BANP: variants seen among roughly 807,000 people sequenced by gnomAD.
BANP encodes protein BANP.
BANP carries 11 observed loss-of-function variants against 68.1 expected under a neutral mutation model. The ratio of observed to expected loss-of-function variants is 0.16; its 90% CI spans 0.10 to 0.27. The LOEUF is 0.27. Ranked by LOEUF, BANP falls within the 10% of genes least tolerant of loss-of-function variation. The pLI, the probability that BANP is intolerant of heterozygous loss-of-function variation, is 1.00. For synonymous variants in BANP, 329 were observed against 303.2 expected, an observed-to-expected ratio of 1.09 and a Z score of -0.88; for missense variants, 504 against 722.7, an observed-to-expected ratio of 0.70 and a Z score of 3.47.
intron 6 of BANP, among the ~76,000 whole-genome samples, chr16:88,007,085 C>T (rs955246634): frequency 2.6e-5 from 4 of 152,092 alleles, no homozygotes; most frequent in African/African-American, 7.2e-5. Flanking sequence ...TTTTATAACT[C>T]ACTTCTTTCC....
At chr16:88,039,508 G>A (rs1274708565) in intron 11 of BANP, among the ~76,000 whole-genome samples, 1 of 144,430 alleles carries the variant, frequency 6.9e-6, no homozygotes, top group African/African-American at 2.4e-5. Flanking sequence ...TAATTCCTAG[G>A]AAAAGTAAGG....
At chr16:87,986,055 C>A (rs2064337995) in intron 4 of BANP, among the ~76,000 whole-genome samples, 1 of 152,138 alleles carries the variant, frequency 6.6e-6, no homozygotes. Context: ...CTGTCTCACT[C>A]ACTGAAGGAC....
At chr16:87,959,859 G>T in intron 1 of BANP, 1 of 152,948 alleles carries the variant, frequency 6.5e-6, no homozygotes, top group South Asian at 2.1e-4. Context: ...GGAGGTGGCC[G>T]GGACTCCTGG....
intron 1 of BANP, among the ~76,000 whole-genome samples, chr16:87,973,343 C>A (rs933109890): frequency 1.3e-5 from 2 of 151,958 alleles, no homozygotes; most frequent in African/African-American, 4.8e-5. Flanking sequence ...AATAAAAACA[C>A]CTTTGCTATT....
intron 11 of BANP, among the ~76,000 whole-genome samples, chr16:88,061,506 G>C (rs1328698074): frequency 6.6e-6 from 1 of 152,172 alleles, no homozygotes; most frequent in Non-Finnish European, 1.5e-5. Flanking sequence ...CATTAGAAAT[G>C]GAATTTAAGG....
At chr16:87,978,028 G>T (rs1162604270) in intron 2 of BANP, among the ~76,000 whole-genome samples, 6 of 152,102 alleles carry the variant, frequency 3.9e-5, no homozygotes, top group Admixed American at 1.3e-4. Context: ...TAGAGACGGG[G>T]TTTCACCATG....
intron 7 of BANP, among the ~76,000 whole-genome samples, chr16:88,022,392 T>A (rs1180060415): frequency 1.3e-5 from 2 of 152,150 alleles, no homozygotes; most frequent in Admixed American, 1.3e-4. Context: ...CCATGAGACC[T>A]CCTAGCAGTT....
intron 7 of BANP, among the ~76,000 whole-genome samples, chr16:88,026,752 C>T (rs978178035): frequency 6.8e-6 from 1 of 147,358 alleles, no homozygotes; most frequent in Non-Finnish European, 1.5e-5. Context: ...TTCTCCAAAC[C>T]GTGTTTACCA....
intron 11 of BANP, among the ~76,000 whole-genome samples, chr16:88,047,874 A>C (rs551951407): frequency 1.6e-4 from 25 of 152,240 alleles, no homozygotes; most frequent in African/African-American, 5.3e-4. Context: ...TTACACTGCT[A>C]TGACTATGTC....
chr16:87,979,490 GA>G (rs67368697), intron 2 of BANP, among the ~76,000 whole-genome samples: 52,875 of 151,872 alleles, frequency 0.35, 10,506 homozygotes, highest in Non-Finnish European at 0.47. Context: ...GGGCTGGACA[GA>G]AGGTTGTTAG....
rs745534915 is a variant in BANP at position 88,033,129 on chromosome 16, C to T, written c.1084C>T (p.Pro362Ser). ...CACAGAGCCGATGATGAGCACCCCA[C>T]CTCCTGCCAGCGAGCTCCCGCAGCC... ...CPSEPMMSTPPPASELPQPQP... is the reference protein window; with the variant it reads ...CPSEPMMSTPSPASELPQPQP... The change falls in exon 9 of 14, where the codon CCT becomes TCT. Residue 362 changes from proline to serine, a missense_variant. Pro to Ser is a moderately conservative substitution (Grantham distance 74). Around this residue, in one of 3 missense-constraint regions of BANP, gnomAD observed 223 missense variants for 246.2 expected, o/e 0.91. Coordinates refer to ENST00000682872, the MANE Select transcript of BANP (RefSeq NM_001386991.1). 2.5e-6 allele frequency: 4 copies of T among 1,608,244 alleles called. No individual in the cohort carries two copies. Among genetic ancestry groups the T allele is most frequent in the Admixed American group, 3.3e-5 (2 of 59,818 alleles).
intron 1 of BANP, among the ~76,000 whole-genome samples, chr16:87,965,428 G>A (rs1228927345): frequency 1.3e-5 from 2 of 151,850 alleles, no homozygotes; most frequent in African/African-American, 2.4e-5. Context: ...GGGCAGCACC[G>A]TGGGGGAAGG....
upstream of BANP, among the ~76,000 whole-genome samples, chr16:87,950,104 C>G (rs7200853): frequency 0.037 from 5,684 of 152,254 alleles, 373 homozygotes; most frequent in African/African-American, 0.13. Flanking sequence ...GTCTCGATCT[C>G]CTGACCTCGT....
rs189865272 is a variant in BANP, at chr16:87,981,008, C to T, written c.71-28C>T. 1.8e-4 allele frequency: 275 copies of T among 1,514,014 alleles called. 3 individuals carry two copies. In the East Asian group the frequency reaches 4.4e-3, roughly 24 times the overall value. 93.8% of individuals were successfully genotyped at this position (1,514,014 alleles called of 1,614,324 possible). A position where few individuals can be genotyped will look rare whatever the true frequency, so the allele number is the denominator to read the frequency against. ...ATTCTGTAAAACTTTTCATGTTAAA[C>T]ATTTTTTTTCTCTGTCACTGATTTC... is the stretch of plus-strand genomic sequence containing the variant. On this transcript the variant is annotated intron_variant, in intron 2 of 13. Transcript: ENST00000682872.
At chr16:87,982,271 G>T (rs2063419799) in intron 3 of BANP, among the ~76,000 whole-genome samples, 1 of 152,200 alleles carries the variant, frequency 6.6e-6, no homozygotes, top group Non-Finnish European at 1.5e-5. Context: ...TGAGAAGAGG[G>T]TGGGCCCCCG....
At chr16:87,967,000 G>A (rs796108602) in intron 1 of BANP, among the ~76,000 whole-genome samples, 2 of 152,342 alleles carry the variant, frequency 1.3e-5, no homozygotes, top group African/African-American at 4.8e-5. Context: ...TGGCACCAGC[G>A]GGAGGAGGAG....
At chr16:87,952,946 T>G (rs1276456237) in intron 1 of BANP, among the ~76,000 whole-genome samples, 1 of 152,118 alleles carries the variant, frequency 6.6e-6, no homozygotes, top group Admixed American at 6.5e-5. Flanking sequence ...ATTTTTGTAT[T>G]TTTCGTAGAG....
At chr16:88,023,147 C>A (rs1239748111) in intron 7 of BANP, among the ~76,000 whole-genome samples, 1 of 152,120 alleles carries the variant, frequency 6.6e-6, no homozygotes, top group Non-Finnish European at 1.5e-5. Flanking sequence ...ACATTGAGCG[C>A]CTCACGGTGA....
At chr16:88,014,815 A>G (rs1334005086) in intron 6 of BANP, among the ~76,000 whole-genome samples, 2 of 151,916 alleles carry the variant, frequency 1.3e-5, no homozygotes, top group Non-Finnish European at 2.9e-5. Flanking sequence ...CCAGGTCCTA[A>G]GTCCAGAGAT....
Sources: allele counts gnomAD v4.1 joint callset (sites outside exome capture counted in the v4.1 genomes callset), GRCh38; gene constraint gnomAD v4.1.1; regional missense constraint gnomAD v4.1.1; transcripts MANE v1.5; gene names NCBI Gene and HGNC (gene_info 2026-07-23, HGNC 2026-07-21).